The following HDAC9 variants were observed in gnomAD, a reference collection of about 807,000 sequenced individuals.
The protein encoded by HDAC9 is MEF-2 interacting transcription repressor (MITR) protein.
HDAC9 carries 41 observed loss-of-function variants against 139.4 expected under a neutral mutation model. That is an observed-to-expected ratio of 0.29 (90% confidence interval 0.23 to 0.38). The LOEUF (loss-of-function observed/expected upper bound fraction) is 0.38. HDAC9 is among the 10% of genes least tolerant of loss of function. HDAC9 has a pLI of 1.00. For missense variants in HDAC9, 1,147 were observed against 1,297.0 expected, an observed-to-expected ratio of 0.88 and a Z score of 1.78; for synonymous variants, 517 against 476.2, an observed-to-expected ratio of 1.09 and a Z score of -1.12.
chr7:18,190,698 T>G (rs1790287662), intron 2 of HDAC9, among the ~76,000 whole-genome samples: 1 of 152,174 alleles, frequency 6.6e-6, no homozygotes, highest in Non-Finnish European at 1.5e-5. Context: ...AAATAAAGAT[T>G]GTTGCTTTTC....
chr7:18,168,226 A>G (rs1788137200), intron 2 of HDAC9, among the ~76,000 whole-genome samples: 1 of 152,228 alleles, frequency 6.6e-6, no homozygotes, highest in Middle Eastern at 3.2e-3. Flanking sequence ...CTGAGGAAAA[A>G]GTACTTTAAA....
At chr7:18,699,913 A>T in intron 12 of HDAC9, among the ~76,000 whole-genome samples, 1 of 152,026 alleles carries the variant, frequency 6.6e-6, no homozygotes, top group African/African-American at 2.4e-5. Context: ...TAAAAATTTG[A>T]TTCATATCAG....
intron 2 of HDAC9, among the ~76,000 whole-genome samples, chr7:18,508,796 A>G (rs17432448): frequency 0.31 from 46,527 of 152,122 alleles, 7,866 homozygotes; most frequent in Admixed American, 0.41. Flanking sequence ...TTTTTAAAGG[A>G]GTATGAAATA....
intron 24 of HDAC9, among the ~76,000 whole-genome samples, chr7:18,960,501 A>G (rs1251393464): frequency 1.3e-5 from 2 of 152,128 alleles, no homozygotes; most frequent in African/African-American, 2.4e-5. Context: ...ACTAGAAAAG[A>G]ACAAAGGAAT....
At chr7:18,837,909 A>T (rs1431534526) in intron 21 of HDAC9, among the ~76,000 whole-genome samples, 4 of 152,068 alleles carry the variant, frequency 2.6e-5, no homozygotes, top group Non-Finnish European at 5.9e-5. Flanking sequence ...TGGAAGGTGG[A>T]CACTTTATAT....
At chr7:18,937,580 G>T (rs972299416) in intron 23 of HDAC9, among the ~76,000 whole-genome samples, 7 of 152,068 alleles carry the variant, frequency 4.6e-5, no homozygotes, top group Non-Finnish European at 5.9e-5. Flanking sequence ...TGATGTTGGG[G>T]TGCTTCTTTG....
At chr7:18,163,225 C>T (rs904769553) in intron 2 of HDAC9, among the ~76,000 whole-genome samples, 2 of 152,168 alleles carry the variant, frequency 1.3e-5, no homozygotes, top group African/African-American at 4.8e-5. Context: ...GTTTCATCAA[C>T]CTTTCCCCAC....
At chr7:18,393,584 C>T (rs1786743324) in intron 1 of HDAC9, among the ~76,000 whole-genome samples, 1 of 152,108 alleles carries the variant, frequency 6.6e-6, no homozygotes, top group Non-Finnish European at 1.5e-5. Flanking sequence ...CAGAAAGACT[C>T]ATCTGGAGTC....
At chr7:18,329,931 C>T (rs1178174424) in intron 1 of HDAC9, among the ~76,000 whole-genome samples, 2 of 151,294 alleles carry the variant, frequency 1.3e-5, no homozygotes, top group African/African-American at 4.9e-5. Flanking sequence ...GTATATTTTA[C>T]TTCTAAGGTA....
chr7:18,235,887 G>A (rs971020008), intron 2 of HDAC9, among the ~76,000 whole-genome samples: 2 of 152,104 alleles, frequency 1.3e-5, no homozygotes, highest in African/African-American at 4.8e-5. Flanking sequence ...ACAACCAAGG[G>A]GGCCTATGTG....
chr7:18,100,196 G>A (rs1371275344), intron 1 of HDAC9, among the ~76,000 whole-genome samples: 1 of 150,988 alleles, frequency 6.6e-6, no homozygotes, highest in Non-Finnish European at 1.5e-5. Flanking sequence ...TCTTACTTTT[G>A]TTCTCCTTTA....
chr7:18,319,885 CTGAG>C (rs1799909704), intron 1 of HDAC9, among the ~76,000 whole-genome samples: 1 of 152,040 alleles, frequency 6.6e-6, no homozygotes, highest in Non-Finnish European at 1.5e-5. Flanking sequence ...GGAGCACAAA[CTGAG>C]TGAGAAAAGT....
At chr7:18,130,513 A>C (rs1399992852) in intron 1 of HDAC9, among the ~76,000 whole-genome samples, 3 of 152,038 alleles carry the variant, frequency 2.0e-5, no homozygotes, top group African/African-American at 7.2e-5. Flanking sequence ...AGCTTTATTG[A>C]GATATAATTT....
At chr7:18,325,586 C>CA (rs1183982530) in intron 1 of HDAC9, 1 of 151,888 alleles carries the variant, frequency 6.6e-6, no homozygotes, top group African/African-American at 2.4e-5. Flanking sequence ...CTCAGCCTCC[C>CA]AAACAGGTGG....
intron 17 of HDAC9, among the ~76,000 whole-genome samples, chr7:18,826,342 G>GCGGT (rs1795432550): frequency 1.3e-5 from 2 of 152,040 alleles, no homozygotes; most frequent in African/African-American, 2.4e-5. Context: ...CACTTGAGCA[G>GCGGT]ATTGTGGGAG....
In HDAC9 at chr7:18,549,394, A is replaced by G. The variant is rs191149634; in HGVS notation, c.23-35887A>G. ...CATTTGAAATAACTCAAAACAATAA[A>G]CATTCACAGTGTCCCTCAATAGCTG... On this transcript the variant is annotated intron_variant, in intron 2 of 25. Coordinates refer to ENST00000686413, the MANE Select transcript of HDAC9 (RefSeq NM_178425.4). Among the ~76,000 whole-genome samples, 187 of 152,308 alleles carry G rather than the reference A, an allele frequency of 1.2e-3. 4 individuals carry two copies. Among genetic ancestry groups the G allele is most frequent in the South Asian group, 1.4e-3 (7 of 4,832 alleles).
intron 21 of HDAC9, 108 bp from the exon 22 acceptor site, chr7:18,874,370 T>C (rs1218370994): frequency 3.5e-6 from 2 of 569,422 alleles, no homozygotes; most frequent in African/African-American, 3.7e-5. Context: ...ATTCCCCTTT[T>C]CTTTATTCTT....
At chr7:18,210,864 T>C (rs1409214875) in intron 2 of HDAC9, among the ~76,000 whole-genome samples, 1 of 152,214 alleles carries the variant, frequency 6.6e-6, no homozygotes, top group Non-Finnish European at 1.5e-5. Flanking sequence ...GAGAAGAAAC[T>C]TGGCAACCAT....
chr7:18,345,448 C>G (rs1332419920), intron 1 of HDAC9, among the ~76,000 whole-genome samples: 1 of 151,790 alleles, frequency 6.6e-6, no homozygotes, highest in Admixed American at 6.6e-5. Flanking sequence ...TTAGGAATCA[C>G]AATTCTCCTA....
Sources: gnomAD v4.1 joint callset for allele counts (sites outside exome capture counted in the v4.1 genomes callset) on GRCh38, gnomAD v4.1.1 for gene constraint, MANE v1.5 for transcripts, NCBI Gene and HGNC (gene_info 2026-07-23, HGNC 2026-07-21) for gene names.